The following CLASP1 variants were observed in gnomAD, a reference collection of about 807,000 sequenced individuals.
CLASP1 encodes the protein CLIP-associating protein 1.
Under a neutral mutation model 192.3 loss-of-function variants are expected in CLASP1, and 38 were observed. The ratio of observed to expected loss-of-function variants is 0.20; its 90% CI spans 0.15 to 0.26. CLASP1 has a LOEUF of 0.26. Ranked by LOEUF, CLASP1 falls within the 10% of genes least tolerant of loss-of-function variation. CLASP1 has a pLI of 1.00. For missense variants in CLASP1, 1,433 were observed against 1,932.5 expected, an observed-to-expected ratio of 0.74 and a Z score of 4.85; for synonymous variants, 691 against 712.8, an observed-to-expected ratio of 0.97 and a Z score of 0.49.
At chr2:121,418,315 C>T (rs2078941513) in intron 23 of CLASP1, among the ~76,000 whole-genome samples, 1 of 152,256 alleles carries the variant, frequency 6.6e-6, no homozygotes, top group Non-Finnish European at 1.5e-5. Flanking sequence ...TAAGCAGCAA[C>T]TAACTTCGGC....
At chr2:121,451,954 TTTC>T in intron 14 of CLASP1, 105 bp from the exon 15 acceptor site, 2 of 736,810 alleles carry the variant, frequency 2.7e-6, no homozygotes, top group Non-Finnish European at 4.6e-6. Flanking sequence ...AATTAGTACA[TTTC>T]TTCTGATTTT....
rs548234674 is a variant in CLASP1 at position 121,457,353 on chromosome 2, G to T, written c.1385+334C>A. ...CTTTACTCAGGGAATAGGGCAGACC[G>T]ATGACAAAGGTAGGAGGATTATCAC... On this transcript the variant is annotated intron_variant, in intron 14 of 39. Transcript: ENST00000263710. Among the ~76,000 whole-genome samples the T allele has an allele frequency of 2.0e-3, 303 of 152,066 alleles. 1 individual carries two copies. Among genetic ancestry groups the T allele is most frequent in the African/African-American group, 5.9e-3 (243 of 41,444 alleles).
chr2:121,634,900 T>C (rs537948199), intron 1 of CLASP1, among the ~76,000 whole-genome samples: 6 of 152,220 alleles, frequency 3.9e-5, no homozygotes, highest in East Asian at 1.9e-4. Context: ...AGTAGAACAA[T>C]AGCTATAGAT....
intron 2 of CLASP1, among the ~76,000 whole-genome samples, chr2:121,533,313 T>C (rs2094947050): frequency 6.6e-6 from 1 of 152,078 alleles, no homozygotes; most frequent in South Asian, 2.1e-4. Flanking sequence ...TTCTCCTGGG[T>C]TTCCATTTCC....
intron 1 of CLASP1, among the ~76,000 whole-genome samples, chr2:121,639,584 G>C (rs919720855): frequency 1.3e-5 from 2 of 152,148 alleles, no homozygotes; most frequent in Non-Finnish European, 2.9e-5. Flanking sequence ...GTTTAGGCCA[G>C]GCACAGTGGC....
chr2:121,351,962 G>T (rs1217939785), intron 37 of CLASP1, among the ~76,000 whole-genome samples: 3 of 152,232 alleles, frequency 2.0e-5, no homozygotes, highest in African/African-American at 7.2e-5. Flanking sequence ...TGCCTCCTGT[G>T]TGTCAGAGAC....
intron 1 of CLASP1, among the ~76,000 whole-genome samples, chr2:121,640,941 T>C (rs2071938698): frequency 6.6e-6 from 1 of 152,230 alleles, no homozygotes; most frequent in South Asian, 2.1e-4. Flanking sequence ...ACAATAGGTC[T>C]ATGTGCTACC....
intron 37 of CLASP1, among the ~76,000 whole-genome samples, chr2:121,351,302 C>T (rs1189691690): frequency 1.3e-5 from 2 of 152,250 alleles, no homozygotes; most frequent in Non-Finnish European, 2.9e-5. Context: ...CCCCCAACTT[C>T]TGTTCCTCTG....
At chr2:121,546,815 G>GC (rs1446653158) in intron 2 of CLASP1, among the ~76,000 whole-genome samples, 1 of 152,182 alleles carries the variant, frequency 6.6e-6, no homozygotes, top group Non-Finnish European at 1.5e-5. Context: ...CAGACCCTGA[G>GC]CATAGCATGG....
chr2:121,448,982 G>A (rs761865556), exon 17 of CLASP1: 1 of 1,613,976 alleles, frequency 6.2e-7, no homozygotes, highest in South Asian at 1.1e-5. Flanking sequence ...TGGAAGATGA[G>A]CGGTCTGACT....
rs34993191 is a variant in CLASP1 at position 121,613,629 on chromosome 2, TAA to T, written c.-285-7451_-285-7450del. On this transcript the variant is annotated intron_variant, in intron 1 of 39. Transcript: ENST00000263710. ...AGCACATGCACAAAGCCTTTTTTTT[TAA>T]AAAAAAAAAATAGCACCTATCTCCA... 4.6e-3 allele frequency among the ~76,000 whole-genome samples: 688 copies of T among 148,804 alleles called. 3 individuals are homozygous for T. Among genetic ancestry groups the T allele is most frequent in the African/African-American group, 0.015 (627 of 40,848 alleles).
intron 2 of CLASP1, chr2:121,531,152 T>C (rs544680554): frequency 1.5e-5 from 9 of 613,570 alleles, no homozygotes; most frequent in Middle Eastern, 4.3e-4. Context: ...TTGCGGTGAT[T>C]AAACGGGAAG....
At chr2:121,351,358 T>C (rs12986567) in intron 37 of CLASP1, among the ~76,000 whole-genome samples, 19,058 of 152,258 alleles carry the variant, frequency 0.13, 1,624 homozygotes, top group African/African-American at 0.23. Flanking sequence ...TTTGTATTTC[T>C]GGTGGCATTT....
chr2:121,541,183 A>C (rs2095226402), intron 2 of CLASP1, among the ~76,000 whole-genome samples: 1 of 152,228 alleles, frequency 6.6e-6, no homozygotes, highest in African/African-American at 2.4e-5. Context: ...TCATTGAGCA[A>C]AGAAAGGAAT....
At chr2:121,600,492 A>T (rs78434938) in intron 2 of CLASP1, among the ~76,000 whole-genome samples, 478 of 152,320 alleles carry the variant, frequency 3.1e-3, no homozygotes, top group Non-Finnish European at 5.4e-3. Context: ...TACTTCACCA[A>T]GAGTCAAGTC....
At chr2:121,362,758 C>T (rs982012707) in intron 37 of CLASP1, among the ~76,000 whole-genome samples, 2 of 152,236 alleles carry the variant, frequency 1.3e-5, no homozygotes, top group Admixed American at 1.3e-4. Flanking sequence ...GACTGGTCCA[C>T]TTATCTGGAG....
In CLASP1 at chr2:121,647,179, C is replaced by G. The variant is rs575321965; in HGVS notation, c.-286+2193G>C. ...GGTCAGGAGTTCAAGACCAGCCTGG[C>G]CAACATAGTGAAACCCTGTCTCTAC... On this transcript the variant is annotated intron_variant, in intron 1 of 39. Coordinates refer to ENST00000263710, the Ensembl canonical transcript of CLASP1. Among the ~76,000 whole-genome samples the G allele has an allele frequency of 2.2e-4, 33 of 152,090 alleles. No individual in the cohort carries two copies. The East Asian group carries it at 6.4e-3, about 29-fold the overall frequency.
intron 23 of CLASP1, among the ~76,000 whole-genome samples, chr2:121,413,076 C>G (rs2077995588): frequency 6.6e-6 from 1 of 151,870 alleles, no homozygotes; most frequent in Admixed American, 6.6e-5. Flanking sequence ...CTGGGCAACA[C>G]AGTGAAATCC....
chr2:121,418,791 C>A, intron 22 of CLASP1, 62 bp from the exon 23 acceptor site: 1 of 1,153,042 alleles, frequency 8.7e-7, no homozygotes. Context: ...CAGATAAACT[C>A]ACAAAATGTC....
Sources: allele counts gnomAD v4.1 joint callset (sites outside exome capture counted in the v4.1 genomes callset), GRCh38; gene constraint gnomAD v4.1.1; transcripts MANE v1.5; gene names NCBI Gene and HGNC (gene_info 2026-07-23, HGNC 2026-07-21).